Variants in AKAP6 observed in about 807,000 individuals in gnomAD.
AKAP6 encodes the protein A-kinase anchor protein 6.
AKAP6 carries 58 observed loss-of-function variants against 188.5 expected under a neutral mutation model. That is an observed-to-expected ratio of 0.31 (90% CI 0.25 to 0.38). AKAP6 has a LOEUF of 0.38. Among genes scored for constraint, AKAP6 ranks in the 10% least tolerant of loss-of-function variants. The probability of loss-of-function intolerance (pLI) is 1.00; values close to 1 mark genes in which losing one functional copy is unlikely to be tolerated. For synonymous variants in AKAP6, 989 were observed against 998.6 expected, an observed-to-expected ratio of 0.99 and a Z score of 0.18; for missense variants, 2,710 against 2,740.0, an observed-to-expected ratio of 0.99 and a Z score of 0.24.
chr14:32,779,742 C>T (rs2033184296), intron 12 of AKAP6, among the ~76,000 whole-genome samples: 1 of 152,080 alleles, frequency 6.6e-6, no homozygotes, highest in Non-Finnish European at 1.5e-5. Context: ...TACTTTTTCT[C>T]AATAGCTGAT....
chr14:32,393,515 AT>A (rs1888777894), intron 1 of AKAP6, among the ~76,000 whole-genome samples: 1 of 152,122 alleles, frequency 6.6e-6, no homozygotes, highest in African/African-American at 2.4e-5. Flanking sequence ...CAAACTCTGA[AT>A]AAGATTTGTA....
rs549288469 is a variant in AKAP6, at chr14:32,813,028, C to G, written c.3589-8374C>G. Among the ~76,000 whole-genome samples the G allele has an allele frequency of 3.3e-5, 5 of 152,200 alleles. No homozygotes were observed. In the East Asian group the frequency reaches 9.7e-4, roughly 29 times the overall value. On this transcript the variant is annotated intron_variant, in intron 12 of 13. Transcript: ENST00000280979. The stretch of plus-strand genomic sequence containing the variant: ...TCTGGAGTTAGCATCAGATCCCATA[C>G]GGGAAAGGGCTCAGTCCCACAAGAC...
chr14:32,364,597 G>A (rs1887767776), intron 1 of AKAP6, among the ~76,000 whole-genome samples: 1 of 151,872 alleles, frequency 6.6e-6, no homozygotes, highest in African/African-American at 2.4e-5. Context: ...TATTTATTTA[G>A]ACCATATCCT....
chr14:32,520,049 A>G (rs1221040560), intron 2 of AKAP6, among the ~76,000 whole-genome samples: 1 of 152,242 alleles, frequency 6.6e-6, no homozygotes, highest in East Asian at 1.9e-4. Flanking sequence ...AACTCACTCA[A>G]AACTGCTCAA....
chr14:32,777,859 A>C (rs1051056729), intron 12 of AKAP6, among the ~76,000 whole-genome samples: 2 of 152,082 alleles, frequency 1.3e-5, no homozygotes, highest in Non-Finnish European at 2.9e-5. Context: ...GCAACATAGC[A>C]AGACCTCATT....
At chr14:32,791,305 C>T (rs1208649261) in intron 12 of AKAP6, among the ~76,000 whole-genome samples, 5 of 152,176 alleles carry the variant, frequency 3.3e-5, no homozygotes. Context: ...TTAATGATCA[C>T]CATTCTAACA....
At chr14:32,787,259 T>C (rs1241331568) in intron 12 of AKAP6, among the ~76,000 whole-genome samples, 1 of 152,250 alleles carries the variant, frequency 6.6e-6, no homozygotes, top group East Asian at 1.9e-4. Context: ...CTCTCAATCT[T>C]ATTATTTGGT....
At chr14:32,590,530 A>T (rs1885446725) in intron 5 of AKAP6, among the ~76,000 whole-genome samples, 1 of 152,146 alleles carries the variant, frequency 6.6e-6, no homozygotes, top group Non-Finnish European at 1.5e-5. Flanking sequence ...TGTTAGAATC[A>T]CTGTGGGCAA....
At chr14:32,434,864 A>C (rs1021695354) in intron 2 of AKAP6, among the ~76,000 whole-genome samples, 2 of 152,164 alleles carry the variant, frequency 1.3e-5, no homozygotes, top group African/African-American at 4.8e-5. Context: ...AAAGTGTTCA[A>C]ATGAGTGTGG....
intron 5 of AKAP6, among the ~76,000 whole-genome samples, chr14:32,583,464 G>C (rs1300691508): frequency 6.6e-6 from 1 of 152,138 alleles, no homozygotes; most frequent in Non-Finnish European, 1.5e-5. Flanking sequence ...TGAGGAGGCA[G>C]TCTTCCCGTT....
intron 1 of AKAP6, among the ~76,000 whole-genome samples, chr14:32,339,225 G>C (rs1445947859): frequency 6.6e-6 from 1 of 152,120 alleles, no homozygotes; most frequent in African/African-American, 2.4e-5. Flanking sequence ...TTTGTTACGA[G>C]AGTAAATGAA....
Position 32,518,399 on chromosome 14 carries a change from G to A in AKAP6, c.325-17155G>A, listed in dbSNP as rs562196436. Among the ~76,000 whole-genome samples, 8 of 152,314 alleles carry A rather than the reference G, an allele frequency of 5.3e-5. No individual in the cohort carries two copies. The East Asian group carries it at 1.5e-3, about 29-fold the overall frequency. ...GATCGGTAATAACAGACTTCTCTGA[G>A]CTAAAGGAGGATGTTTGAACCCATC... is the stretch of plus-strand genomic sequence containing the variant. On this transcript the variant is annotated intron_variant, in intron 2 of 13. Transcript: ENST00000280979.
In AKAP6 at chr14:32,835,108, AGCCATATG is replaced by A. The variant is rs1389832720; in HGVS notation, c.*5307_*5314del. Reference sequence around the variant, plus strand: ...TACAAAGTTACGTACTTGCAACAAAAGCCATATGGCCTGCAAAACCTAAAACATTTACT... The same window carrying A: ...TACAAAGTTACGTACTTGCAACAAAAGCCTGCAAAACCTAAAACATTTACT... On this transcript the variant is annotated 3_prime_UTR_variant, in exon 14 of 14. Transcript: ENST00000280979. The A allele has an allele frequency of 6.6e-6, 1 of 152,220 alleles. No homozygotes were observed. The highest frequency in any genetic ancestry group is 2.4e-5 in the African/African-American group (1 of 41,468). The allele number at this position is 152,220 out of a possible 1,614,324, so 9.4% of individuals were successfully genotyped here. A position where few individuals can be genotyped will look rare whatever the true frequency, so the allele number is the denominator to read the frequency against.
At chr14:32,395,585 A>G (rs1044941476) in intron 1 of AKAP6, among the ~76,000 whole-genome samples, 1 of 152,220 alleles carries the variant, frequency 6.6e-6, no homozygotes, top group African/African-American at 2.4e-5. Flanking sequence ...TTTTTAAGCT[A>G]GAAAGAACAT....
At chr14:32,756,520 C>G (rs1024645662) in intron 11 of AKAP6, among the ~76,000 whole-genome samples, 1 of 151,432 alleles carries the variant, frequency 6.6e-6, no homozygotes, top group African/African-American at 2.4e-5. Flanking sequence ...GTCCATGAGG[C>G]GTTGGTCTGG....
intron 12 of AKAP6, among the ~76,000 whole-genome samples, chr14:32,787,912 A>G (rs2033473909): frequency 6.6e-6 from 1 of 152,032 alleles, no homozygotes; most frequent in Admixed American, 6.6e-5. Flanking sequence ...AGCCAAAAAC[A>G]AATGTGTCAT....
intron 1 of AKAP6, among the ~76,000 whole-genome samples, chr14:32,393,986 CCT>C (rs1156726605): frequency 2.0e-5 from 3 of 152,006 alleles, no homozygotes; most frequent in South Asian, 4.2e-4. Context: ...ACTTGGTTCC[CCT>C]GACTTTAATT....
chr14:32,416,615 T>C lies in AKAP6; in HGVS notation c.-34-16845T>C, dbSNP rs139132190. On this transcript the variant is annotated intron_variant, in intron 1 of 13. Coordinates refer to ENST00000280979, the MANE Select transcript of AKAP6 (RefSeq NM_004274.5). ...TGTCGCCCAGGCTGGAGTGCAGTGA[T>C]GCAATCTTGGCTCACTGCAACCTCT... 5.1e-4 allele frequency among the ~76,000 whole-genome samples: 78 copies of C among 152,172 alleles called. 1 individual carries two copies. The East Asian group carries it at 0.014, about 27-fold the overall frequency.
chr14:32,539,094 G>T (rs1260780492), intron 3 of AKAP6, among the ~76,000 whole-genome samples: 1 of 151,890 alleles, frequency 6.6e-6, no homozygotes, highest in Non-Finnish European at 1.5e-5. Context: ...TAATTTTTTT[G>T]GTCCTCACAT....
Sources: allele counts gnomAD v4.1 joint callset (sites outside exome capture counted in the v4.1 genomes callset), GRCh38; gene constraint gnomAD v4.1.1; transcripts MANE v1.5; gene names NCBI Gene and HGNC (gene_info 2026-07-23, HGNC 2026-07-21).